AARSD1: variants seen among roughly 807,000 people sequenced by gnomAD.
The protein encoded by AARSD1 is alanyl-tRNA editing protein Aarsd1.
AARSD1 carries 44 observed loss-of-function variants against 48.7 expected under a neutral mutation model. That is an observed-to-expected ratio of 0.90 (90% CI 0.71 to 1.16). AARSD1 has a LOEUF of 1.16. Among genes scored for constraint, AARSD1 ranks in the 50% most tolerant of loss-of-function variants. The pLI, the probability that AARSD1 is intolerant of heterozygous loss-of-function variation, is 0.00. For missense variants in AARSD1, 511 were observed against 523.1 expected (o/e 0.98, Z 0.23); for synonymous variants, 189 against 194.9 (o/e 0.97, Z 0.25).
In AARSD1 at chr17:42,964,407, G is replaced by A. The variant is rs1399027774; in HGVS notation, c.34C>T (p.Arg12Ter). ...GCCTCGCCGTGACGCCGTACCTCTCGGGCATAACTGTCACGCTGACACCAG... is the reference window on the plus strand; with the variant it reads ...GCCTCGCCGTGACGCCGTACCTCTCAGGCATAACTGTCACGCTGACACCAG... ...AFWCQRDSYA[R>*]EFTTTVVSCC... The change falls in exon 1 of 12, where the codon CGA (arginine) becomes TGA (stop). Residue 12 changes from arginine (R) to a stop codon, truncating the protein, a stop_gained. Coordinates refer to ENST00000427569, the MANE Select transcript of AARSD1 (RefSeq NM_001261434.2). LOFTEE classifies it high-confidence loss of function. 1.9e-6 allele frequency: 3 copies of A among 1,551,280 alleles called. No individual in the cohort carries two copies. The highest frequency in any genetic ancestry group is 2.4e-5 in the East Asian group (1 of 40,958).
chr17:42,962,255 A>G, intron 2 of AARSD1: 3 of 267,034 alleles, frequency 1.1e-5, no homozygotes, highest in South Asian at 2.8e-5. Context: ...AGCCGAGATC[A>G]CGCCGCTGCG....
chr17:42,951,782 G>C lies in AARSD1; in HGVS notation c.1103+18C>G. 5.0e-6 allele frequency: 8 copies of C among 1,613,366 alleles called. No homozygotes were observed. Among genetic ancestry groups the C allele is most frequent in the Non-Finnish European group, 5.9e-6 (7 of 1,179,362 alleles). On this transcript the variant is annotated intron_variant, in intron 11 of 11. Coordinates refer to ENST00000427569, the MANE Select transcript of AARSD1 (RefSeq NM_001261434.2). ...TACAGGCTCTACTACATGTGCAAGA[G>C]AGTCCACAAAGAATTACCTGGGCCC...
At chr17:42,954,692 CA>C (rs2151940469) in intron 9 of AARSD1, among the ~76,000 whole-genome samples, 183 bp downstream of exon 9, 1 of 152,260 alleles carries the variant, frequency 6.6e-6, no homozygotes, top group South Asian at 2.1e-4. Context: ...CTCAGCCTCC[CA>C]AAGTGCTGGG....
At chr17:42,958,926 C>T (rs1187129546) in intron 3 of AARSD1, among the ~76,000 whole-genome samples, 1 of 148,174 alleles carries the variant, frequency 6.7e-6, no homozygotes, top group Non-Finnish European at 1.5e-5. Flanking sequence ...ATGCCAGGTG[C>T]GGTGGCTCAA....
Sources: gnomAD v4.1 joint callset for allele counts (sites outside exome capture counted in the v4.1 genomes callset) on GRCh38, gnomAD v4.1.1 for gene constraint, MANE v1.5 for transcripts, NCBI Gene and HGNC (gene_info 2026-07-23, HGNC 2026-07-21) for gene names.